HEMK1: variants seen among roughly 807,000 people sequenced by gnomAD.
The protein encoded by HEMK1 is HemK methyltransferase 1, mitochondrial release factors N(5)-glutamine.
HEMK1 carries 36 observed loss-of-function variants against 47.9 expected under a neutral mutation model. That is an observed-to-expected ratio of 0.75 (90% CI 0.58 to 0.99). HEMK1 has a LOEUF of 0.99. Ranked by LOEUF, HEMK1 falls within the 50% of genes least tolerant of loss-of-function variation. HEMK1 has a pLI of 0.00. For synonymous variants in HEMK1, 153 were observed against 165.4 expected, an observed-to-expected ratio of 0.93 and a Z score of 0.57; for missense variants, 383 against 434.5, an observed-to-expected ratio of 0.88 and a Z score of 1.05.
intron 4 of HEMK1, among the ~76,000 whole-genome samples, 170 bp downstream of exon 4, chr3:50,572,378 G>C (rs577337085): frequency 3.3e-5 from 5 of 152,310 alleles, no homozygotes; most frequent in Non-Finnish European, 5.9e-5. Context: ...AGAGGACAGA[G>C]GATTCCTGTT....
Position 50,580,114 on chromosome 3 carries a change from A to C in HEMK1, c.867-2A>C. ...GAGCCCACCCATTTCTCCCCCATGT[A>C]GTAGTATCTTCTTAGAAGTGGACCC... On this transcript the variant is annotated splice_acceptor_variant, in intron 9 of 10. Coordinates refer to ENST00000232854, the MANE Select transcript of HEMK1 (RefSeq NM_016173.5). LOFTEE classifies it high-confidence loss of function. The C allele has an allele frequency of 6.2e-7, 1 of 1,612,018 alleles. No homozygotes were observed. The highest frequency in any genetic ancestry group is 8.5e-7 in the Non-Finnish European group (1 of 1,178,090).
chr3:50,572,071 T>C (rs1334671495), intron 3 of HEMK1, 44 bp from the exon 4 acceptor site: 23 of 1,611,940 alleles, frequency 1.4e-5, no homozygotes, highest in Admixed American at 1.7e-5. Flanking sequence ...GTCCTGTTGG[T>C]CCTAGCTCTG....
rs1177284898 is a variant in HEMK1, at chr3:50,585,859, C to T, written c.*5442C>T. 6.6e-6 allele frequency: 1 copy of T among 152,214 alleles called. No individual in the cohort carries two copies. Among genetic ancestry groups the T allele is most frequent in the Non-Finnish European group, 1.5e-5 (1 of 68,036 alleles). 9.4% of individuals were successfully genotyped at this position (152,214 alleles called of 1,614,324 possible). On this transcript the variant is annotated 3_prime_UTR_variant, in exon 11 of 11. Coordinates refer to ENST00000232854, the MANE Select transcript of HEMK1 (RefSeq NM_016173.5). ...AACACAGCACTTGACTCCTGACTCC[C>T]AGTATGATGCTCTCATCTCCTATTG...
intron 5 of HEMK1, 140 bp downstream of exon 5, chr3:50,577,326 C>A: frequency 8.5e-7 from 1 of 1,175,716 alleles, no homozygotes; most frequent in Non-Finnish European, 1.2e-6. Flanking sequence ...CCCTAGCCCA[C>A]TGTGGTTCAC....
At position 50,580,514 on chromosome 3, in the gene HEMK1, A is replaced by C. The variant is rs1353407242; in HGVS notation, c.*97A>C. 2.6e-5 allele frequency: 33 copies of C among 1,257,906 alleles called. No individual in the cohort carries two copies. The highest frequency in any genetic ancestry group is 3.8e-5 in the Non-Finnish European group (33 of 875,676). The allele number at this position is 1,257,906 out of a possible 1,614,324, so 77.9% of individuals were successfully genotyped here. ...AGCCCAGGTTCTTATGGCATTTCCC[A>C]GGGTTCTGTGATTTCCCCATGCTCT... On this transcript the variant is annotated 3_prime_UTR_variant, in exon 11 of 11. Transcript: ENST00000232854.
chr3:50,593,739 C>A lies in HEMK1; in HGVS notation c.*13322C>A, dbSNP rs1443096337. On this transcript the variant is annotated 3_prime_UTR_variant, in exon 11 of 11. Coordinates refer to ENST00000232854, the MANE Select transcript of HEMK1 (RefSeq NM_016173.5). Reference sequence around the variant, plus strand: ...ATGACAATGACAAATTTGTCTTTTCCTTTCTTTCTTTTTTTTTTTTTTGAG... The same window carrying A: ...ATGACAATGACAAATTTGTCTTTTCATTTCTTTCTTTTTTTTTTTTTTGAG... 2 of 119,330 alleles carry A rather than the reference C, an allele frequency of 1.7e-5. No homozygotes were observed. Among genetic ancestry groups the A allele is most frequent in the East Asian group, 4.4e-4 (2 of 4,520 alleles). 7.4% of individuals were successfully genotyped at this position (119,330 alleles called of 1,614,324 possible). A position where few individuals can be genotyped will look rare whatever the true frequency, so the allele number is the denominator to read the frequency against.
intron 4 of HEMK1, among the ~76,000 whole-genome samples, chr3:50,573,371 C>A (rs1333743579): frequency 1.3e-5 from 2 of 152,240 alleles, no homozygotes; most frequent in Non-Finnish European, 2.9e-5. Flanking sequence ...GGAGGCTTAC[C>A]TGTGGCTCCT....
At position 50,580,222 on chromosome 3, in the gene HEMK1, T is replaced by C. The variant is rs746470210; in HGVS notation, c.973T>C (p.Cys325Arg). ...LNLVAVRRDF[C>R]GRPRFLHIRR... Reference sequence around the variant, plus strand: ...TCTTGTGGCTGTGCGCAGGGACTTCTGTGGGAGGTAAGATCCTAGCCCCCT... The same window carrying C: ...TCTTGTGGCTGTGCGCAGGGACTTCCGTGGGAGGTAAGATCCTAGCCCCCT... Residue 325 changes from cysteine (C) to arginine (R), a missense_variant, in exon 10 of 11, where the codon TGT becomes CGT. Cys to Arg is a radical substitution (Grantham distance 180). Transcript: ENST00000232854. The C allele has an allele frequency of 8.7e-6, 14 of 1,613,980 alleles. No individual in the cohort carries two copies. The highest frequency in any genetic ancestry group is 1.2e-5 in the Non-Finnish European group (14 of 1,179,846).
At position 50,570,917 on chromosome 3, in the gene HEMK1, C is replaced by G; in HGVS notation, c.-174-14C>G. The G allele has an allele frequency of 2.1e-6, 1 of 484,742 alleles. No homozygotes were observed. The allele number at this position is 484,742 out of a possible 1,614,324, so 30.0% of individuals were successfully genotyped here. On this transcript the variant is annotated splice_polypyrimidine_tract_variant and intron_variant, in intron 1 of 10. Coordinates refer to ENST00000232854, the MANE Select transcript of HEMK1 (RefSeq NM_016173.5). ...ACAAGGCTCACCTGCTTTCCTGGTT[C>G]CTCTCACTCCCAGGGTGGCAACCAA...
rs1159599134 is a variant in HEMK1, at chr3:50,587,923, T to C, written c.*7506T>C. On this transcript the variant is annotated 3_prime_UTR_variant, in exon 11 of 11. Transcript: ENST00000232854. The surrounding 1 kb of genome is among the most constrained non-coding windows in gnomAD (Gnocchi z 4.2). The stretch of plus-strand genomic sequence containing the variant: ...AACAGAACTGACTCACAACCATTGC[T>C]GAGGGTTTGGATGTGAGATGGCCAG... The C allele has an allele frequency of 1.3e-5, 2 of 152,332 alleles. No homozygotes were observed. Among genetic ancestry groups the C allele is most frequent in the Middle Eastern group, 3.4e-3 (1 of 294 alleles). The allele number at this position is 152,332 out of a possible 1,614,324, so 9.4% of individuals were successfully genotyped here.
At chr3:50,577,968 C>T in intron 7 of HEMK1, 93 bp downstream of exon 7, 1 of 1,118,374 alleles carries the variant, frequency 8.9e-7, no homozygotes, top group Non-Finnish European at 1.4e-6. Context: ...GGGAGAGCTC[C>T]CCCAACAGCC....
At chr3:50,577,710 G>A (rs775697848) in intron 6 of HEMK1, 116 bp from the exon 7 acceptor site, 2 of 1,344,156 alleles carry the variant, frequency 1.5e-6, no homozygotes, top group Non-Finnish European at 2.1e-6. Context: ...GTTCTGAATG[G>A]GTAGTGGGCA....
chr3:50,570,753 T>G (rs1219826660), intron 1 of HEMK1, 178 bp from the exon 2 acceptor site: 1 of 195,696 alleles, frequency 5.1e-6, no homozygotes, highest in African/African-American at 2.3e-5. Flanking sequence ...CCACTCCAGC[T>G]AAAAATGTGA....
rs1196317587 is a variant in HEMK1, at chr3:50,577,154, A to G, written c.517A>G (p.Ile173Val). 1.9e-6 allele frequency: 3 copies of G among 1,613,188 alleles called. No homozygotes were observed. Among genetic ancestry groups the G allele is most frequent in the Admixed American group, 3.3e-5 (2 of 59,924 alleles). The part of the protein sequence containing the change: ...ILEVGCGSGA[I>V]SLSLLSQLPQ... ...GGAGGTGGGCTGCGGATCAGGAGCC[A>G]TCTCCCTCAGCCTGCTGAGCCAGCT... is the stretch of plus-strand genomic sequence containing the variant. The change falls in exon 5 of 11, where the codon ATC becomes GTC. Residue 173 changes from isoleucine to valine, a missense_variant. Coordinates refer to ENST00000232854, the MANE Select transcript of HEMK1 (RefSeq NM_016173.5).
Position 50,585,399 on chromosome 3 carries a change from T to C in HEMK1, c.*4982T>C, listed in dbSNP as rs2031270694. ...CAGAGCTGTGTCACCATTCTGTTCCTATGGTGGAGTGGGGCTATCCCTGGG... is the reference window on the plus strand; with the variant it reads ...CAGAGCTGTGTCACCATTCTGTTCCCATGGTGGAGTGGGGCTATCCCTGGG... On this transcript the variant is annotated 3_prime_UTR_variant, in exon 11 of 11. Coordinates refer to ENST00000232854, the MANE Select transcript of HEMK1 (RefSeq NM_016173.5). 6.6e-6 allele frequency: 1 copy of C among 152,394 alleles called. No homozygotes were observed. The highest frequency in any genetic ancestry group is 2.4e-5 in the African/African-American group (1 of 41,466). 9.4% of individuals were successfully genotyped at this position (152,394 alleles called of 1,614,324 possible).
chr3:50,571,411 A>G lies in HEMK1; in HGVS notation c.228+79A>G, dbSNP rs527866188. On this transcript the variant is annotated intron_variant, in intron 2 of 10. Transcript: ENST00000232854. ...GAAGGGATATCCAGGTTTTCTGTTC[A>G]CTAAGAGTGCTTAGCTGAGACTGAT... is the stretch of plus-strand genomic sequence containing the variant. The G allele has an allele frequency of 4.6e-6, 5 of 1,089,000 alleles. No homozygotes were observed. In the South Asian group the frequency reaches 4.6e-5, roughly 10 times the overall value. The allele number at this position is 1,089,000 out of a possible 1,614,324, so 67.5% of individuals were successfully genotyped here. A position where few individuals can be genotyped will look rare whatever the true frequency, so the allele number is the denominator to read the frequency against.
In HEMK1 at chr3:50,580,528, TC is replaced by T. The variant is rs2030663659; in HGVS notation, c.*115del. On this transcript the variant is annotated 3_prime_UTR_variant, in exon 11 of 11. Coordinates refer to ENST00000232854, the MANE Select transcript of HEMK1 (RefSeq NM_016173.5). ...TGGCATTTCCCAGGGTTCTGTGATT[TC>T]CCCATGCTCTGCATTTCTAGGATAT... 2 of 1,077,706 alleles carry T rather than the reference TC, an allele frequency of 1.9e-6. No homozygotes were observed. The highest frequency in any genetic ancestry group is 2.8e-5 in the South Asian group (2 of 72,278). 66.8% of individuals were successfully genotyped at this position (1,077,706 alleles called of 1,614,324 possible).
Position 50,588,316 on chromosome 3 carries a change from T to G in HEMK1, c.*7899T>G, listed in dbSNP as rs2031515391. The G allele has an allele frequency of 6.6e-6, 1 of 152,208 alleles. No individual in the cohort carries two copies. The allele number at this position is 152,208 out of a possible 1,614,324, so 9.4% of individuals were successfully genotyped here. On this transcript the variant is annotated 3_prime_UTR_variant, in exon 11 of 11. Coordinates refer to ENST00000232854, the MANE Select transcript of HEMK1 (RefSeq NM_016173.5). The stretch of plus-strand genomic sequence containing the variant: ...ACTGTATGGATGAAGGGACTGAGGC[T>G]TAACATGCCCAAGGTCACACAGCCA...
At position 50,595,641 on chromosome 3, in the gene HEMK1, C is replaced by T. The variant is rs1705417652; in HGVS notation, c.*15224C>T. The T allele has an allele frequency of 6.6e-6, 1 of 152,226 alleles. No individual in the cohort carries two copies. The highest frequency in any genetic ancestry group is 2.4e-5 in the African/African-American group (1 of 41,456). 9.4% of individuals were successfully genotyped at this position (152,226 alleles called of 1,614,324 possible). A position where few individuals can be genotyped will look rare whatever the true frequency, so the allele number is the denominator to read the frequency against. ...AGAACAAGGGCAACCAGTGCCTCTA[C>T]TGGCAAGTGTGCAGAAATAGGAGAG... On this transcript the variant is annotated 3_prime_UTR_variant, in exon 11 of 11. Coordinates refer to ENST00000232854, the MANE Select transcript of HEMK1 (RefSeq NM_016173.5).
Sources: allele counts gnomAD v4.1 joint callset (sites outside exome capture counted in the v4.1 genomes callset), GRCh38; gene constraint gnomAD v4.1.1; non-coding constraint Gnocchi (gnomAD v3.1); transcripts MANE v1.5; gene names NCBI Gene and HGNC (gene_info 2026-07-23, HGNC 2026-07-21).